C9: variants seen among roughly 807,000 people sequenced by gnomAD.
C9 encodes the protein complement component C9.
C9 carries 63 observed loss-of-function variants against 65.4 expected under a neutral mutation model. The observed-to-expected ratio is 0.96, with a 90% confidence interval of 0.79 to 1.19. The LOEUF is 1.19. Ranked by LOEUF, C9 falls within the 50% of genes most tolerant of loss-of-function variation. The pLI is 0.00. For missense variants in C9, 744 were observed against 670.1 expected (o/e 1.11, Z -1.22); for synonymous variants, 229 against 227.9 (o/e 1.00, Z -0.04).
In C9 at chr5:39,360,574, T is replaced by C. The variant is rs144875592; in HGVS notation, c.77+3814A>G. ...TTCATATCAGAGACAAAGACTAATT[T>C]ATGAAGTGATCATAGAAATATGTAA... On this transcript the variant is annotated intron_variant, in intron 1 of 10. Coordinates refer to ENST00000263408, the MANE Select transcript of C9 (RefSeq NM_001737.5). Among the ~76,000 whole-genome samples, 414 of 152,314 alleles carry C rather than the reference T, an allele frequency of 2.7e-3. 3 individuals carry two copies. Among genetic ancestry groups the C allele is most frequent in the African/African-American group, 9.7e-3 (404 of 41,564 alleles).
At chr5:39,346,164 T>G (rs1226703948) in intron 1 of C9, among the ~76,000 whole-genome samples, 1 of 151,972 alleles carries the variant, frequency 6.6e-6, no homozygotes, top group African/African-American at 2.4e-5. Flanking sequence ...AAGAAATAAC[T>G]AAGATCAGAG....
In C9 at chr5:39,306,651, G is replaced by A; in HGVS notation, c.1382C>T (p.Ser461Phe). Residue 461 changes from serine to phenylalanine, a missense_variant, in exon 9 of 11, where the codon TCC becomes TTC. Transcript: ENST00000263408. ...DVTDFVNWAS[S>F]INDAPVLISQ... ...AATGAGAACAGGAGCATCATTTATGGAAGAGGCCCAGTTGACAAAGTCAGT... is the reference window on the plus strand; with the variant it reads ...AATGAGAACAGGAGCATCATTTATGAAAGAGGCCCAGTTGACAAAGTCAGT... The A allele has an allele frequency of 6.2e-7, 1 of 1,613,692 alleles. No homozygotes were observed.
chr5:39,348,201 A>G (rs537529831), intron 1 of C9, among the ~76,000 whole-genome samples: 1 of 152,306 alleles, frequency 6.6e-6, no homozygotes, highest in East Asian at 1.9e-4. Context: ...GCATCTGCAC[A>G]GCAAAAGAAA....
chr5:39,308,301 G>C lies in C9; in HGVS notation c.1169C>G (p.Ala390Gly). The C allele has an allele frequency of 6.2e-7, 1 of 1,607,166 alleles. No individual in the cohort carries two copies. The highest frequency in any genetic ancestry group is 8.5e-7 in the Non-Finnish European group (1 of 1,173,790). The change falls in exon 8 of 11, where the codon GCT (alanine) becomes GGT (glycine). Residue 390 changes from alanine (A) to glycine (G), a missense_variant. Ala to Gly is a moderately conservative substitution (Grantham distance 60). Coordinates refer to ENST00000263408, the MANE Select transcript of C9 (RefSeq NM_001737.5). ...AGCTCCAACAGAGATTTCAGAGAAA[G>C]CCAGAGATACATCCAGATGATACCC... ...CLGYHLDVSL[A>G]FSEISVGAEF...
chr5:39,308,828 C>T (rs1283493092), intron 7 of C9, among the ~76,000 whole-genome samples: 1 of 152,150 alleles, frequency 6.6e-6, no homozygotes, highest in African/African-American at 2.4e-5. Context: ...GAATAACCTA[C>T]TAATGGCTCA....
At chr5:39,306,098 G>A (rs568696593) in intron 9 of C9, among the ~76,000 whole-genome samples, 92 of 151,240 alleles carry the variant, frequency 6.1e-4, no homozygotes, top group African/African-American at 2.2e-3. Context: ...GGAAGGCGGA[G>A]GTTGCAGTGA....
At chr5:39,341,331 G>A (rs775843693) in intron 3 of C9, 38 bp from the exon 4 acceptor site, 29 of 1,609,976 alleles carry the variant, frequency 1.8e-5, no homozygotes, top group South Asian at 5.5e-5. Flanking sequence ...TGTATCTAAT[G>A]TCAAATTTTC....
chr5:39,304,840 A>T (rs1040412803), intron 9 of C9, among the ~76,000 whole-genome samples: 1 of 152,212 alleles, frequency 6.6e-6, no homozygotes, highest in African/African-American at 2.4e-5. Context: ...TCCATACAGC[A>T]GGACTGCACC....
chr5:39,296,136 A>G (rs1237002833), intron 9 of C9, among the ~76,000 whole-genome samples: 1 of 151,718 alleles, frequency 6.6e-6, no homozygotes, highest in Non-Finnish European at 1.5e-5. Context: ...TTTTCTGAAT[A>G]GGATCTCAAA....
chr5:39,330,777 T>A (rs542436834), intron 5 of C9, among the ~76,000 whole-genome samples: 19 of 152,314 alleles, frequency 1.2e-4, no homozygotes, highest in African/African-American at 4.3e-4. Context: ...AACATGCCAG[T>A]CAAATGGTCA....
chr5:39,359,171 C>T (rs1227481216), intron 1 of C9, among the ~76,000 whole-genome samples: 1 of 146,408 alleles, frequency 6.8e-6, no homozygotes, highest in Admixed American at 6.9e-5. Flanking sequence ...GGGAATGACA[C>T]ACGTAGAGGT....
At chr5:39,333,484 A>C (rs1753881272) in intron 4 of C9, among the ~76,000 whole-genome samples, 1 of 152,072 alleles carries the variant, frequency 6.6e-6, no homozygotes, top group African/African-American at 2.4e-5. Context: ...GAAAAGCAGA[A>C]CCACCCAGCT....
chr5:39,333,820 G>A lies in C9; in HGVS notation c.477-2006C>T, dbSNP rs1753896637. 3.3e-5 allele frequency among the ~76,000 whole-genome samples: 5 copies of A among 152,096 alleles called. No homozygotes were observed. The South Asian group carries it at 8.3e-4, about 25-fold the overall frequency. The stretch of plus-strand genomic sequence containing the variant: ...GTGGAGACGGGGTTTCGCTGTGTTG[G>A]CCGGGCTGGTCTCCAGCTCCTAACC... On this transcript the variant is annotated intron_variant, in intron 4 of 10. Coordinates refer to ENST00000263408, the MANE Select transcript of C9 (RefSeq NM_001737.5).
intron 1 of C9, among the ~76,000 whole-genome samples, chr5:39,361,363 T>C (rs1754519328): frequency 6.6e-6 from 1 of 152,228 alleles, no homozygotes; most frequent in Non-Finnish European, 1.5e-5. Flanking sequence ...CGGAAAGTTA[T>C]GAGTAGGGAA....
intron 4 of C9, among the ~76,000 whole-genome samples, chr5:39,333,010 G>A (rs779020204): frequency 6.6e-6 from 1 of 152,086 alleles, no homozygotes; most frequent in Non-Finnish European, 1.5e-5. Flanking sequence ...CTGACATATA[G>A]ATAAAATTGA....
At chr5:39,363,036 C>T (rs1417524289) in intron 1 of C9, among the ~76,000 whole-genome samples, 1 of 152,158 alleles carries the variant, frequency 6.6e-6, no homozygotes, top group African/African-American at 2.4e-5. Context: ...TCCCCACAGC[C>T]TCTCATTTTT....
intron 9 of C9, among the ~76,000 whole-genome samples, chr5:39,301,892 T>C (rs534811428): frequency 1.3e-5 from 2 of 152,244 alleles, no homozygotes; most frequent in Non-Finnish European, 2.9e-5. Context: ...GTCATATTTA[T>C]TTGAAAGAAG....
intron 9 of C9, among the ~76,000 whole-genome samples, chr5:39,291,278 A>G (rs1409278056): frequency 6.6e-6 from 1 of 151,984 alleles, no homozygotes; most frequent in Non-Finnish European, 1.5e-5. Context: ...AGAAACAAAT[A>G]TTAGAATACA....
intron 9 of C9, among the ~76,000 whole-genome samples, chr5:39,298,246 C>A (rs1326037739): frequency 3.3e-5 from 5 of 150,786 alleles, no homozygotes; most frequent in Non-Finnish European, 7.4e-5. Flanking sequence ...ATAACAGCAC[C>A]CAGCTTAAGA....
Sources: gnomAD v4.1 joint callset for allele counts (sites outside exome capture counted in the v4.1 genomes callset) on GRCh38, gnomAD v4.1.1 for gene constraint, MANE v1.5 for transcripts, NCBI Gene and HGNC (gene_info 2026-07-23, HGNC 2026-07-21) for gene names.